UMAD1: variants seen among roughly 807,000 people sequenced by gnomAD.
UMAD1 encodes the protein UBAP1-MVB12-associated (UMA) domain containing 1, also known as UBAP1-MVB12-associated (UMA)-domain containing protein 1.
In UMAD1, 8 loss-of-function variants were observed where a neutral mutation model predicts 6.1. That is an observed-to-expected ratio of 1.30 (90% CI 0.76 to 2.35). The LOEUF (loss-of-function observed/expected upper bound fraction) is 2.35, where lower values mean the gene tolerates loss of function less well. Ranked by LOEUF, UMAD1 falls within the 30% of genes most tolerant of loss-of-function variation. The pLI, the probability that UMAD1 is intolerant of heterozygous loss-of-function variation, is 0.00. For synonymous variants in UMAD1, 56 were observed against 31.4 expected (o/e 1.78, Z -2.61); for missense variants, 130 against 78.4 (o/e 1.66, Z -2.49).
chr7:7,852,966 T>C lies in UMAD1; in HGVS notation c.157-24315T>C, dbSNP rs576476679. 4.6e-5 allele frequency among the ~76,000 whole-genome samples: 7 copies of C among 152,282 alleles called. No homozygotes were observed. The South Asian group carries it at 1.5e-3, about 32-fold the overall frequency. ...ATATGAGGCAGGACCCTCTCTGGAA[T>C]GAGGGTCGTATAGCCCAACATTCAG... On this transcript the variant is annotated intron_variant, in intron 3 of 3. Transcript: ENST00000682710.
chr7:7,717,721 T>C (rs1780952991), intron 2 of UMAD1, among the ~76,000 whole-genome samples: 2 of 152,244 alleles, frequency 1.3e-5, no homozygotes, highest in African/African-American at 4.8e-5. Flanking sequence ...TAAAATGCAG[T>C]TTAACAAAGA....
At chr7:7,813,947 G>A (rs59616166) in intron 3 of UMAD1, among the ~76,000 whole-genome samples, 31,118 of 151,992 alleles carry the variant, frequency 0.2, 3,182 homozygotes, top group Admixed American at 0.25. Context: ...TTTCCCATGT[G>A]AAGTCCTACT....
At chr7:7,663,000 G>A (rs894409182) in intron 1 of UMAD1, among the ~76,000 whole-genome samples, 14 of 96,856 alleles carry the variant, frequency 1.4e-4, no homozygotes, top group African/African-American at 4.7e-4. Flanking sequence ...AAGTGTGTGA[G>A]TGCTTTGAAA....
intron 3 of UMAD1, among the ~76,000 whole-genome samples, chr7:7,869,401 T>A (rs988881770): frequency 7.2e-5 from 11 of 152,246 alleles, no homozygotes; most frequent in African/African-American, 2.7e-4. Context: ...ATATTACCTC[T>A]TCTTTTTGTA....
In UMAD1 at chr7:7,870,566, C is replaced by T. The variant is rs899934191; in HGVS notation, c.157-6715C>T. ...AGACTTTGTGTCTAAGAGAAAGCTG[C>T]TTTTTTGGAGGGGAACTCATGCACC... On this transcript the variant is annotated intron_variant, in intron 3 of 3. Coordinates refer to ENST00000682710, the MANE Select transcript of UMAD1 (RefSeq NM_001302348.2). Among the ~76,000 whole-genome samples the T allele has an allele frequency of 5.9e-5, 9 of 152,246 alleles. 1 individual carries two copies. Among genetic ancestry groups the T allele is most frequent in the African/African-American group, 2.2e-4 (9 of 41,544 alleles).
chr7:7,702,622 A>G (rs1780488300), intron 2 of UMAD1, among the ~76,000 whole-genome samples: 1 of 152,230 alleles, frequency 6.6e-6, no homozygotes, highest in Non-Finnish European at 1.5e-5. Flanking sequence ...CAAAGATGAA[A>G]ATAAAAAGCA....
chr7:7,737,259 C>G (rs1237078239), intron 2 of UMAD1, among the ~76,000 whole-genome samples: 1 of 152,214 alleles, frequency 6.6e-6, no homozygotes, highest in African/African-American at 2.4e-5. Context: ...CCTCTCTGGG[C>G]TTCAGTTTTC....
At chr7:7,672,673 G>A in intron 1 of UMAD1, among the ~76,000 whole-genome samples, 1 of 152,150 alleles carries the variant, frequency 6.6e-6, no homozygotes, top group Non-Finnish European at 1.5e-5. Context: ...GTCGTCCTGT[G>A]AGGAGGTGAC....
At position 7,656,429 on chromosome 7, in the gene UMAD1, C is replaced by T. The variant is rs545840447; in HGVS notation, c.-64+15608C>T. Among the ~76,000 whole-genome samples, 5 of 152,194 alleles carry T rather than the reference C, an allele frequency of 3.3e-5. No individual in the cohort carries two copies. The East Asian group carries it at 5.8e-4, about 18-fold the overall frequency. On this transcript the variant is annotated intron_variant, in intron 1 of 3. Transcript: ENST00000682710. ...TTTGCTGCATCCATCAATCTGTCAT[C>T]TACATTAGGTATTTCTTCTAATGCT...
At chr7:7,826,122 G>A (rs1005399858) in intron 3 of UMAD1, among the ~76,000 whole-genome samples, 3 of 152,094 alleles carry the variant, frequency 2.0e-5, no homozygotes, top group African/African-American at 7.2e-5. Flanking sequence ...AGGATACAGA[G>A]GGCTGACTGT....
chr7:7,774,546 A>G (rs1336514828), intron 2 of UMAD1, among the ~76,000 whole-genome samples: 1 of 152,236 alleles, frequency 6.6e-6, no homozygotes, highest in Non-Finnish European at 1.5e-5. Flanking sequence ...GTTGTGAGGT[A>G]GTATAGTTAT....
At chr7:7,724,761 A>G (rs1453193368) in intron 2 of UMAD1, among the ~76,000 whole-genome samples, 1 of 152,224 alleles carries the variant, frequency 6.6e-6, no homozygotes, top group Non-Finnish European at 1.5e-5. Context: ...ATCTCCTGAT[A>G]CCTGGTATGC....
At chr7:7,801,033 T>C (rs1480630079) in intron 2 of UMAD1, among the ~76,000 whole-genome samples, 1 of 152,260 alleles carries the variant, frequency 6.6e-6, no homozygotes, top group African/African-American at 2.4e-5. Context: ...AAATTCTGCT[T>C]ATACTTACCC....
chr7:7,806,875 G>A (rs756321985), intron 3 of UMAD1, among the ~76,000 whole-genome samples: 4 of 152,150 alleles, frequency 2.6e-5, no homozygotes, highest in Non-Finnish European at 5.9e-5. Context: ...AAATTAGCAT[G>A]GGTTCCATAA....
At chr7:7,846,507 C>A (rs934931071) in intron 3 of UMAD1, among the ~76,000 whole-genome samples, 2 of 151,996 alleles carry the variant, frequency 1.3e-5, no homozygotes, top group Non-Finnish European at 2.9e-5. Context: ...CATAAAATAT[C>A]ACATGTATAA....
intron 1 of UMAD1, 114 bp from the exon 2 acceptor site, chr7:7,673,195 A>G (rs1779649712): frequency 2.7e-6 from 2 of 745,808 alleles, no homozygotes; most frequent in African/African-American, 1.7e-5. Flanking sequence ...ACATGTGGCC[A>G]TAGAATTCCT....
At chr7:7,647,017 CACTAGTTTTGTGAAATT>C (rs1785112557) in intron 1 of UMAD1, among the ~76,000 whole-genome samples, 1 of 152,208 alleles carries the variant, frequency 6.6e-6, no homozygotes. Flanking sequence ...GTATCAGTTA[CACTAGTTTTGTGAAATT>C]AGTGTGGAGT....
At chr7:7,794,824 C>T (rs1179868910) in intron 2 of UMAD1, among the ~76,000 whole-genome samples, 1 of 152,116 alleles carries the variant, frequency 6.6e-6, no homozygotes, top group Non-Finnish European at 1.5e-5. Flanking sequence ...TTTCCCAGAT[C>T]TAGGAGAGAT....
At chr7:7,661,523 C>T (rs1464996065) in intron 1 of UMAD1, among the ~76,000 whole-genome samples, 1 of 152,148 alleles carries the variant, frequency 6.6e-6, no homozygotes, top group Non-Finnish European at 1.5e-5. Flanking sequence ...GATGTTGATG[C>T]TCCTCCTTTC....
Sources: gnomAD v4.1 joint callset for allele counts (sites outside exome capture counted in the v4.1 genomes callset) on GRCh38, gnomAD v4.1.1 for gene constraint, MANE v1.5 for transcripts, NCBI Gene and HGNC (gene_info 2026-07-23, HGNC 2026-07-21) for gene names.